Variants in CTNND2 observed in about 807,000 individuals in gnomAD.
CTNND2 encodes the protein catenin delta-2.
CTNND2 carries 22 observed loss-of-function variants against 144.4 expected under a neutral mutation model. The observed-to-expected ratio is 0.15, with a 90% CI of 0.11 to 0.22. The LOEUF is 0.22. Among genes scored for constraint, CTNND2 ranks in the 10% least tolerant of loss-of-function variants. CTNND2 has a pLI of 1.00. For missense variants in CTNND2, 1,353 were observed against 1,618.8 expected (o/e 0.84, Z 2.82); for synonymous variants, 751 against 695.6 (o/e 1.08, Z -1.25).
intron 3 of CTNND2, among the ~76,000 whole-genome samples, chr5:11,563,907 C>T (rs1212875487): frequency 6.6e-6 from 1 of 152,180 alleles, no homozygotes; most frequent in Admixed American, 6.5e-5. Flanking sequence ...AAGAGTCAAC[C>T]AAACTCATGT....
chr5:11,261,757 G>A (rs1194349195), intron 9 of CTNND2, among the ~76,000 whole-genome samples: 1 of 152,190 alleles, frequency 6.6e-6, no homozygotes, highest in Non-Finnish European at 1.5e-5. Flanking sequence ...TGGTAAATAG[G>A]AAAGAAAGGG....
At chr5:11,739,990 A>G (rs1787905370) in intron 1 of CTNND2, among the ~76,000 whole-genome samples, 2 of 152,220 alleles carry the variant, frequency 1.3e-5, no homozygotes. Flanking sequence ...AAGGGATGTG[A>G]AGGACCTCTT....
intron 16 of CTNND2, among the ~76,000 whole-genome samples, chr5:11,075,586 G>T (rs923197822): frequency 6.6e-6 from 1 of 152,172 alleles, no homozygotes; most frequent in Non-Finnish European, 1.5e-5. Flanking sequence ...CTAGGAGGAT[G>T]CTTGCAGCAT....
chr5:11,832,481 A>T (rs1793960347), intron 1 of CTNND2, among the ~76,000 whole-genome samples: 2 of 152,146 alleles, frequency 1.3e-5, no homozygotes, highest in Non-Finnish European at 2.9e-5. Context: ...GAACAACACA[A>T]CTAAAAAATT....
intron 15 of CTNND2, among the ~76,000 whole-genome samples, chr5:11,084,128 A>G (rs758082790): frequency 5.3e-5 from 8 of 152,242 alleles, no homozygotes; most frequent in Non-Finnish European, 8.8e-5. Context: ...AAGCTCACTA[A>G]AGCATCTCTT....
At chr5:11,481,178 A>C (rs1309150097) in intron 3 of CTNND2, among the ~76,000 whole-genome samples, 2 of 152,210 alleles carry the variant, frequency 1.3e-5, no homozygotes, top group African/African-American at 4.8e-5. Flanking sequence ...ACGTGGGATC[A>C]GAAAACAAAC....
chr5:11,629,681 G>A (rs1781324027), intron 2 of CTNND2, among the ~76,000 whole-genome samples: 1 of 152,008 alleles, frequency 6.6e-6, no homozygotes, highest in South Asian at 2.1e-4. Flanking sequence ...TTTATTTTAT[G>A]TTTTTTAGAG....
chr5:11,792,209 T>C (rs1791170119), intron 1 of CTNND2, among the ~76,000 whole-genome samples: 1 of 152,160 alleles, frequency 6.6e-6, no homozygotes, highest in Non-Finnish European at 1.5e-5. Flanking sequence ...TAGGAAGAAC[T>C]GATAATAATT....
chr5:11,870,724 G>A (rs1380931705), intron 1 of CTNND2, among the ~76,000 whole-genome samples: 1 of 152,198 alleles, frequency 6.6e-6, no homozygotes, highest in African/African-American at 2.4e-5. Flanking sequence ...GCATGAAGAG[G>A]TGGCCCCAGC....
intron 2 of CTNND2, among the ~76,000 whole-genome samples, chr5:11,670,534 G>A (rs1001967100): frequency 2.6e-5 from 4 of 152,086 alleles, no homozygotes; most frequent in Non-Finnish European, 5.9e-5. Flanking sequence ...GATCTTTGTG[G>A]TTTAAAGTCT....
intron 18 of CTNND2, among the ~76,000 whole-genome samples, chr5:11,003,743 ATTAGAG>A (rs909675860): frequency 7.9e-5 from 12 of 152,234 alleles, no homozygotes; most frequent in Admixed American, 5.2e-4. Context: ...TCCAAGAGCT[ATTAGAG>A]TTAAATATTT....
At chr5:11,396,782 A>C (rs903354002) in intron 6 of CTNND2, among the ~76,000 whole-genome samples, 2 of 152,216 alleles carry the variant, frequency 1.3e-5, no homozygotes, top group Admixed American at 6.5e-5. Context: ...AAACATATAT[A>C]AGACAGGTAT....
At chr5:11,351,839 T>C (rs1755366472) in intron 8 of CTNND2, among the ~76,000 whole-genome samples, 1 of 152,094 alleles carries the variant, frequency 6.6e-6, no homozygotes, top group Non-Finnish European at 1.5e-5. Context: ...AATAAGCATA[T>C]AATAAAGTAA....
chr5:11,391,314 G>C (rs1388015380), intron 6 of CTNND2, among the ~76,000 whole-genome samples: 2 of 151,970 alleles, frequency 1.3e-5, no homozygotes, highest in Non-Finnish European at 2.9e-5. Flanking sequence ...CACTTTCCTA[G>C]TTTAAGTTTG....
chr5:11,393,090 G>A (rs914874274), intron 6 of CTNND2, among the ~76,000 whole-genome samples: 2 of 152,098 alleles, frequency 1.3e-5, no homozygotes, highest in Non-Finnish European at 2.9e-5. Context: ...GTGAGCAGAT[G>A]GTGTACTTAT....
chr5:11,802,522 G>A (rs747889271), intron 1 of CTNND2, among the ~76,000 whole-genome samples: 7 of 151,834 alleles, frequency 4.6e-5, no homozygotes, highest in Admixed American at 6.6e-5. Flanking sequence ...AGCTGAGATC[G>A]TGCCATTGCA....
intron 9 of CTNND2, among the ~76,000 whole-genome samples, chr5:11,308,902 C>G (rs900663836): frequency 1.3e-5 from 2 of 152,078 alleles, no homozygotes; most frequent in Non-Finnish European, 2.9e-5. Flanking sequence ...CGGCAGAAGG[C>G]GAAGGGGAAG....
chr5:11,794,589 T>C (rs553538557), intron 1 of CTNND2, among the ~76,000 whole-genome samples: 1 of 152,242 alleles, frequency 6.6e-6, no homozygotes, highest in African/African-American at 2.4e-5. Flanking sequence ...ATTTACAATA[T>C]GAAAGCATAA....
At chr5:11,139,311 C>T (rs2149731514) in intron 12 of CTNND2, among the ~76,000 whole-genome samples, 1 of 152,306 alleles carries the variant, frequency 6.6e-6, no homozygotes, top group East Asian at 1.9e-4. Context: ...CATCTTGTTA[C>T]CCAAGAAGCC....
Sources: gnomAD v4.1 joint callset for allele counts (sites outside exome capture counted in the v4.1 genomes callset) on GRCh38, gnomAD v4.1.1 for gene constraint, MANE v1.5 for transcripts, NCBI Gene and HGNC (gene_info 2026-07-23, HGNC 2026-07-21) for gene names.